SYT1: variants seen among roughly 807,000 people sequenced by gnomAD.
SYT1 encodes the protein synaptotagmin-1.
Under a neutral mutation model 44.8 loss-of-function variants are expected in SYT1, and 8 were observed. That is an observed-to-expected ratio of 0.18 (90% CI 0.10 to 0.32). SYT1 has a LOEUF of 0.32. Ranked by LOEUF, SYT1 falls within the 10% of genes least tolerant of loss-of-function variation. The pLI, the probability that SYT1 is intolerant of heterozygous loss-of-function variation, is 1.00. For missense variants in SYT1, 286 were observed against 509.3 expected (o/e 0.56, Z 4.22); for synonymous variants, 154 against 188.8 (o/e 0.82, Z 1.51).
At position 79,053,183 on chromosome 12, in the gene SYT1, A is replaced by T. The variant is rs1170721707; in HGVS notation, c.-18+5821A>T. On this transcript the variant is annotated intron_variant, in intron 3 of 10. Coordinates refer to ENST00000261205, the MANE Select transcript of SYT1 (RefSeq NM_005639.3). The stretch of plus-strand genomic sequence containing the variant: ...CATGGAATACTATGCAGCCATAAAA[A>T]ATGATGAGTTCATGTCCTTTGTAGG... Among the ~76,000 whole-genome samples the T allele has an allele frequency of 1.4e-4, 22 of 152,342 alleles. No homozygotes were observed. The East Asian group carries it at 3.1e-3, about 21-fold the overall frequency.
At chr12:79,097,948 C>A (rs1878235328) in intron 3 of SYT1, among the ~76,000 whole-genome samples, 1 of 151,960 alleles carries the variant, frequency 6.6e-6, no homozygotes, top group African/African-American at 2.4e-5. Flanking sequence ...CACACATACA[C>A]ATTTACCTGA....
intron 4 of SYT1, among the ~76,000 whole-genome samples, chr12:79,250,431 A>C (rs1405089938): frequency 6.6e-6 from 1 of 152,216 alleles, no homozygotes; most frequent in Non-Finnish European, 1.5e-5. Context: ...CAGATATGTC[A>C]ATTTCCTTGA....
intron 3 of SYT1, among the ~76,000 whole-genome samples, chr12:79,056,189 G>T (rs1347206356): frequency 6.6e-6 from 1 of 152,000 alleles, no homozygotes; most frequent in South Asian, 2.1e-4. Context: ...CCCTGTTGTT[G>T]AGTGATTCAT....
chr12:79,199,550 C>A (rs911987614), intron 3 of SYT1, among the ~76,000 whole-genome samples: 1 of 152,078 alleles, frequency 6.6e-6, no homozygotes, highest in Non-Finnish European at 1.5e-5. Flanking sequence ...TCTCCAAACA[C>A]CAATTCTCTC....
intron 3 of SYT1, among the ~76,000 whole-genome samples, chr12:79,176,197 G>C (rs1390982258): frequency 6.6e-6 from 1 of 151,684 alleles, no homozygotes; most frequent in Non-Finnish European, 1.5e-5. Flanking sequence ...GGCTGAGGCA[G>C]GAGAATCACT....
chr12:79,313,158 T>C (rs553720927), intron 8 of SYT1, among the ~76,000 whole-genome samples: 15 of 152,248 alleles, frequency 9.9e-5, no homozygotes, highest in South Asian at 6.2e-4. Context: ...GAATCTTGGC[T>C]TGTGTAGATT....
chr12:79,113,828 A>G (rs1879141484), intron 3 of SYT1, among the ~76,000 whole-genome samples: 1 of 152,118 alleles, frequency 6.6e-6, no homozygotes, highest in South Asian at 2.1e-4. Flanking sequence ...CCTCAACCCA[A>G]TAGGTGTTCA....
intron 1 of SYT1, among the ~76,000 whole-genome samples, chr12:78,867,737 T>A (rs187191022): frequency 4.3e-4 from 65 of 152,150 alleles, no homozygotes; most frequent in African/African-American, 1.5e-3. Flanking sequence ...CATTTCATAA[T>A]GGAGAATATT....
chr12:79,198,972 G>T (rs78810585), intron 3 of SYT1, among the ~76,000 whole-genome samples: 2,262 of 152,216 alleles, frequency 0.015, 40 homozygotes, highest in African/African-American at 0.045. Context: ...TGAATTTTTG[G>T]AATGACAAAC....
At chr12:79,205,773 C>T (rs1206482094) in intron 3 of SYT1, among the ~76,000 whole-genome samples, 1 of 152,098 alleles carries the variant, frequency 6.6e-6, no homozygotes, top group Non-Finnish European at 1.5e-5. Context: ...TCACTTGGCT[C>T]ATGGATTTAT....
At chr12:79,280,972 C>A (rs1879019199) in intron 4 of SYT1, among the ~76,000 whole-genome samples, 2 of 144,330 alleles carry the variant, frequency 1.4e-5, no homozygotes, top group African/African-American at 2.5e-5. Context: ...TCAGAATGGC[C>A]ATTAATAAAA....
At chr12:79,372,294 A>G (rs959475432) in intron 9 of SYT1, among the ~76,000 whole-genome samples, 22 of 152,242 alleles carry the variant, frequency 1.4e-4, no homozygotes, top group Admixed American at 1.4e-3. Flanking sequence ...TGTTTAACAT[A>G]TAGTATGAAC....
At chr12:79,264,617 A>C (rs991228048) in intron 4 of SYT1, among the ~76,000 whole-genome samples, 1 of 152,230 alleles carries the variant, frequency 6.6e-6, no homozygotes, top group Non-Finnish European at 1.5e-5. Context: ...CAATGGAAAG[A>C]TAGTAAAAAT....
intron 1 of SYT1, among the ~76,000 whole-genome samples, chr12:78,964,692 A>G (rs549027546): frequency 6.6e-6 from 1 of 152,304 alleles, no homozygotes; most frequent in South Asian, 2.1e-4. Context: ...AATTCCTGTA[A>G]GTGTTATGAC....
intron 9 of SYT1, among the ~76,000 whole-genome samples, chr12:79,381,128 T>G (rs908912805): frequency 3.9e-5 from 6 of 152,228 alleles, no homozygotes; most frequent in African/African-American, 1.2e-4. Context: ...GATTTAGTAG[T>G]TTTTATTCCT....
chr12:78,996,904 G>A (rs1386780130), intron 2 of SYT1, among the ~76,000 whole-genome samples: 1 of 152,180 alleles, frequency 6.6e-6, no homozygotes, highest in East Asian at 1.9e-4. Flanking sequence ...AAGAATCTTT[G>A]AATGGTAAGT....
chr12:79,395,579 A>G (rs1884835786), intron 9 of SYT1, among the ~76,000 whole-genome samples: 1 of 151,998 alleles, frequency 6.6e-6, no homozygotes, highest in South Asian at 2.1e-4. Context: ...TAGAGACGTC[A>G]TCTCACTATG....
intron 3 of SYT1, among the ~76,000 whole-genome samples, chr12:79,062,044 A>G (rs1875427925): frequency 6.6e-6 from 1 of 152,132 alleles, no homozygotes. Context: ...CATTATAGGC[A>G]TGATTAAAGA....
intron 3 of SYT1, among the ~76,000 whole-genome samples, chr12:79,111,457 T>A (rs978643646): frequency 2.6e-5 from 4 of 152,112 alleles, no homozygotes; most frequent in African/African-American, 9.6e-5. Context: ...TGAGTTTTTT[T>A]ATTCATCTTA....
Sources: allele counts gnomAD v4.1 joint callset (sites outside exome capture counted in the v4.1 genomes callset), GRCh38; gene constraint gnomAD v4.1.1; transcripts MANE v1.5; gene names NCBI Gene and HGNC (gene_info 2026-07-23, HGNC 2026-07-21).